Variants in SH3GL2 observed in about 807,000 individuals in gnomAD.
SH3GL2 encodes endophilin-A1.
Under a neutral mutation model 46.0 loss-of-function variants are expected in SH3GL2, and 24 were observed. That is an observed-to-expected ratio of 0.52 (90% CI 0.38 to 0.73). The LOEUF (loss-of-function observed/expected upper bound fraction) is 0.73, where lower values mean the gene tolerates loss of function less well. SH3GL2 is among the 30% of genes least tolerant of loss of function. The pLI is 0.00. For synonymous variants in SH3GL2, 196 were observed against 147.1 expected (o/e 1.33, Z -2.40); for missense variants, 413 against 424.2 (o/e 0.97, Z 0.23).
intron 1 of SH3GL2, among the ~76,000 whole-genome samples, chr9:17,738,982 T>A (rs576106642): frequency 2.8e-4 from 43 of 152,272 alleles, no homozygotes; most frequent in African/African-American, 9.6e-4. Context: ...TACTGTAGAC[T>A]TGCGAAGTTG....
chr9:17,616,704 C>G (rs1819009132), intron 1 of SH3GL2, among the ~76,000 whole-genome samples: 1 of 152,092 alleles, frequency 6.6e-6, no homozygotes, highest in African/African-American at 2.4e-5. Flanking sequence ...AAGGTGTCAA[C>G]CTTAAAAATC....
chr9:17,788,550 T>C (rs1053929127), intron 5 of SH3GL2, among the ~76,000 whole-genome samples: 3 of 152,108 alleles, frequency 2.0e-5, no homozygotes, highest in Non-Finnish European at 4.4e-5. Flanking sequence ...AGTGAAAGAC[T>C]AGCTATCGGG....
chr9:17,674,729 A>T (rs546710687), intron 1 of SH3GL2, among the ~76,000 whole-genome samples: 79 of 152,254 alleles, frequency 5.2e-4, no homozygotes, highest in Middle Eastern at 3.4e-3. Flanking sequence ...CCTTACTCAC[A>T]TCTCTGGCAA....
At chr9:17,694,071 T>C (rs1821147509) in intron 1 of SH3GL2, among the ~76,000 whole-genome samples, 1 of 152,204 alleles carries the variant, frequency 6.6e-6, no homozygotes, top group South Asian at 2.1e-4. Flanking sequence ...TTGGAAACTT[T>C]CATATTATTC....
intron 3 of SH3GL2, among the ~76,000 whole-genome samples, chr9:17,771,951 A>G (rs535204330): frequency 6.6e-6 from 1 of 152,204 alleles, no homozygotes; most frequent in African/African-American, 2.4e-5. Context: ...AGTTAACTAC[A>G]AAAGAAACAA....
chr9:17,652,371 C>G (rs62548119), intron 1 of SH3GL2, among the ~76,000 whole-genome samples: 6,281 of 151,738 alleles, frequency 0.041, 189 homozygotes, highest in Non-Finnish European at 0.065. Flanking sequence ...TATGTGCAGT[C>G]TCTTCTAGTC....
At chr9:17,782,293 G>A (rs535181840) in intron 3 of SH3GL2, among the ~76,000 whole-genome samples, 12 of 152,014 alleles carry the variant, frequency 7.9e-5, no homozygotes, top group East Asian at 3.9e-4. Context: ...TCTCTTTTTC[G>A]GGGAAAATAA....
At chr9:17,760,405 A>G (rs1271462647) in intron 2 of SH3GL2, among the ~76,000 whole-genome samples, 1 of 152,020 alleles carries the variant, frequency 6.6e-6, no homozygotes, top group Non-Finnish European at 1.5e-5. Context: ...TACTTTATGC[A>G]AGGCTGATAT....
At chr9:17,684,905 T>C (rs1177367132) in intron 1 of SH3GL2, among the ~76,000 whole-genome samples, 1 of 152,092 alleles carries the variant, frequency 6.6e-6, no homozygotes, top group Non-Finnish European at 1.5e-5. Flanking sequence ...CATTTAAAAA[T>C]CAATGGAAAT....
chr9:17,684,956 A>G (rs1017713580), intron 1 of SH3GL2, among the ~76,000 whole-genome samples: 32 of 152,168 alleles, frequency 2.1e-4, no homozygotes. Flanking sequence ...ATCTGAACTG[A>G]CAACTGCGAT....
chr9:17,660,959 C>T (rs1019338694), intron 1 of SH3GL2, among the ~76,000 whole-genome samples: 5 of 152,088 alleles, frequency 3.3e-5, no homozygotes, highest in African/African-American at 4.8e-5. Flanking sequence ...GCCAGGAGTT[C>T]GAGACCAGCC....
At chr9:17,736,601 C>G (rs1822341198) in intron 1 of SH3GL2, among the ~76,000 whole-genome samples, 1 of 152,176 alleles carries the variant, frequency 6.6e-6, no homozygotes, top group African/African-American at 2.4e-5. Flanking sequence ...TAGAGCTTCA[C>G]TGCCACATTT....
intron 1 of SH3GL2, among the ~76,000 whole-genome samples, chr9:17,654,381 G>A (rs143710820): frequency 4.7e-4 from 72 of 152,274 alleles, no homozygotes; most frequent in South Asian, 1.0e-3. Context: ...GTATTGTTTT[G>A]TGTGTTCACT....
At chr9:17,776,981 A>G (rs1232273736) in intron 3 of SH3GL2, among the ~76,000 whole-genome samples, 1 of 152,212 alleles carries the variant, frequency 6.6e-6, no homozygotes, top group Non-Finnish European at 1.5e-5. Flanking sequence ...AAGAAAGAGT[A>G]GCTCCCACGG....
At chr9:17,719,086 A>G (rs1821829565) in intron 1 of SH3GL2, among the ~76,000 whole-genome samples, 1 of 152,108 alleles carries the variant, frequency 6.6e-6, no homozygotes, top group Non-Finnish European at 1.5e-5. Context: ...CTGATCTTGA[A>G]TGGGTTACTT....
At chr9:17,597,057 G>A (rs1411962896) in intron 1 of SH3GL2, among the ~76,000 whole-genome samples, 1 of 152,184 alleles carries the variant, frequency 6.6e-6, no homozygotes, top group Non-Finnish European at 1.5e-5. Context: ...GCAGCATCTT[G>A]TGATGTTTCT....
chr9:17,637,224 C>T (rs941474512), intron 1 of SH3GL2, among the ~76,000 whole-genome samples: 1 of 152,096 alleles, frequency 6.6e-6, no homozygotes, highest in Non-Finnish European at 1.5e-5. Flanking sequence ...AAGACCAAAG[C>T]ACAACTTTAG....
chr9:17,716,068 G>C (rs57099063), intron 1 of SH3GL2, among the ~76,000 whole-genome samples: 12,269 of 151,998 alleles, frequency 0.081, 1,635 homozygotes, highest in African/African-American at 0.28. Context: ...ATGTTTGTAC[G>C]TGTGTATGTA....
At chr9:17,785,608 C>G (rs1823933274) in intron 3 of SH3GL2, among the ~76,000 whole-genome samples, 2 of 152,080 alleles carry the variant, frequency 1.3e-5, no homozygotes, top group South Asian at 4.2e-4. Flanking sequence ...ACCTAGGTAT[C>G]CTAGCATCAA....
Sources: gnomAD v4.1 joint callset for allele counts (sites outside exome capture counted in the v4.1 genomes callset) on GRCh38, gnomAD v4.1.1 for gene constraint, MANE v1.5 for transcripts, NCBI Gene and HGNC (gene_info 2026-07-23, HGNC 2026-07-21) for gene names.